GRAMD1B: variants seen among roughly 807,000 people sequenced by gnomAD.
GRAMD1B encodes the protein protein Aster-B.
A neutral mutation model predicts 99.7 loss-of-function variants in GRAMD1B; 37 were observed. The ratio of observed to expected loss-of-function variants is 0.37; its 90% CI spans 0.29 to 0.49. The LOEUF (loss-of-function observed/expected upper bound fraction) is 0.49. GRAMD1B is among the 20% of genes least tolerant of loss of function. The pLI, the probability that GRAMD1B is intolerant of heterozygous loss-of-function variation, is 0.98. For synonymous variants in GRAMD1B, 427 were observed against 387.6 expected (o/e 1.10, Z -1.19); for missense variants, 888 against 1,009.2 (o/e 0.88, Z 1.63).
intron 2 of GRAMD1B, among the ~76,000 whole-genome samples, chr11:123,500,919 C>A (rs2135160996): frequency 6.6e-6 from 1 of 152,222 alleles, no homozygotes; most frequent in Non-Finnish European, 1.5e-5. Context: ...AGTGATCCAC[C>A]CACCTTGGCC....
rs1219424415 is a variant in GRAMD1B at position 123,625,960 on chromosome 11, G to C, written c.*3365G>C. The C allele has an allele frequency of 6.9e-6, 1 of 145,318 alleles. No homozygotes were observed. The highest frequency in any genetic ancestry group is 1.6e-5 in the Non-Finnish European group (1 of 64,284). The allele number at this position is 145,318 out of a possible 1,614,324, so 9.0% of individuals were successfully genotyped here. On this transcript the variant is annotated 3_prime_UTR_variant, in exon 20 of 20. Transcript: ENST00000635736. ...GAAGAGAGAGAGAGAGAGAGAGAGA[G>C]AGAGAGAGAGAGAGAGAGAGATCGA...
At chr11:123,436,744 T>C (rs1412824665) in intron 1 of GRAMD1B, among the ~76,000 whole-genome samples, 1 of 152,204 alleles carries the variant, frequency 6.6e-6, no homozygotes, top group African/African-American at 2.4e-5. Flanking sequence ...CCATTGAACA[T>C]AAGACGGCAC....
At chr11:123,508,417 T>G (rs1451043046) in intron 2 of GRAMD1B, among the ~76,000 whole-genome samples, 1 of 152,258 alleles carries the variant, frequency 6.6e-6, no homozygotes, top group East Asian at 1.9e-4. Context: ...CTCTTAATAC[T>G]ATACTGTTAC....
intron 2 of GRAMD1B, among the ~76,000 whole-genome samples, chr11:123,528,355 A>G (rs1187400558): frequency 6.6e-6 from 1 of 152,240 alleles, no homozygotes; most frequent in Non-Finnish European, 1.5e-5. Flanking sequence ...ATTTCTAGAA[A>G]CAACTCTGGA....
chr11:123,421,834 A>G (rs1309810229), intron 1 of GRAMD1B, among the ~76,000 whole-genome samples: 2 of 152,218 alleles, frequency 1.3e-5, no homozygotes, highest in Non-Finnish European at 2.9e-5. Context: ...GCCTTATTCA[A>G]GTTTATCACT....
At chr11:123,598,615 C>T in intron 7 of GRAMD1B, 3 of 1,448,108 alleles carry the variant, frequency 2.1e-6, no homozygotes, top group Middle Eastern at 2.3e-4. Context: ...TGGGCTCGCT[C>T]TTCTGGGATC....
chr11:123,618,970 G>C (rs1592311791), intron 18 of GRAMD1B, 137 bp from the exon 19 acceptor site: 1 of 684,728 alleles, frequency 1.5e-6, no homozygotes, highest in East Asian at 2.7e-5. Flanking sequence ...CTGATCTGGG[G>C]CACAGGGGAA....
At chr11:123,485,008 T>A (rs1951810146) in intron 2 of GRAMD1B, among the ~76,000 whole-genome samples, 1 of 152,184 alleles carries the variant, frequency 6.6e-6, no homozygotes. Flanking sequence ...TGCACCAAGC[T>A]GTGAATGGCG....
At position 123,600,479 on chromosome 11, in the gene GRAMD1B, T is replaced by C; in HGVS notation, c.981T>C (p.Thr327=). The part of the protein sequence containing the change: ...VCTDSEKHFF[T]SFGARDRTYM... ...CTTTTCCAATCTAGCACTTCTTCAC[T>C]TCGTTTGGGGCCCGGGATAGGACAT... The change falls in exon 8 of 20, where the codon ACT becomes ACC. Residue 327 remains threonine, a synonymous_variant. Transcript: ENST00000635736. 3 of 1,608,006 alleles carry C rather than the reference T, an allele frequency of 1.9e-6. No homozygotes were observed. Among genetic ancestry groups the C allele is most frequent in the Non-Finnish European group, 2.6e-6 (3 of 1,175,152 alleles).
intron 2 of GRAMD1B, among the ~76,000 whole-genome samples, chr11:123,531,892 C>T (rs893687859): frequency 1.1e-4 from 17 of 151,968 alleles, no homozygotes; most frequent in African/African-American, 3.4e-4. Context: ...TGCACCACCA[C>T]GCCTGGCTAA....
chr11:123,573,895 G>A (rs1036310068), intron 2 of GRAMD1B, among the ~76,000 whole-genome samples: 1 of 152,122 alleles, frequency 6.6e-6, no homozygotes, highest in Non-Finnish European at 1.5e-5. Context: ...CGGAAAACAT[G>A]CCACTTACAG....
chr11:123,508,773 C>T (rs2135264533), intron 2 of GRAMD1B, among the ~76,000 whole-genome samples: 1 of 152,134 alleles, frequency 6.6e-6, no homozygotes, highest in Middle Eastern at 3.4e-3. Context: ...GCAACCTCTG[C>T]CTACTTGGTT....
chr11:123,464,898 T>C (rs1020077483), intron 1 of GRAMD1B, among the ~76,000 whole-genome samples: 7 of 152,092 alleles, frequency 4.6e-5, no homozygotes, highest in African/African-American at 9.7e-5. Context: ...GTGATGCAGG[T>C]GACTGAGCTA....
chr11:123,466,369 AAAG>A (rs1842384636), intron 1 of GRAMD1B, among the ~76,000 whole-genome samples: 1 of 60,390 alleles, frequency 1.7e-5, no homozygotes, highest in Non-Finnish European at 2.7e-5. Flanking sequence ...AAGGAAGGAA[AAAG>A]AAAGAGAGAG....
In GRAMD1B at chr11:123,501,777, C is replaced by T. The variant is rs550317845; in HGVS notation, c.452+20884C>T. Among the ~76,000 whole-genome samples, 4 of 152,294 alleles carry T rather than the reference C, an allele frequency of 2.6e-5. No individual in the cohort carries two copies. The South Asian group carries it at 8.3e-4, about 32-fold the overall frequency. The stretch of plus-strand genomic sequence containing the variant: ...TCGGCCAAATAGGATTTTTTCTTAA[C>T]TATCATTTTTGAGCATGTTTCTTGT... On this transcript the variant is annotated intron_variant, in intron 2 of 19. Transcript: ENST00000635736.
At chr11:123,584,244 TC>T in intron 3 of GRAMD1B, 67 bp from the exon 4 acceptor site, 1 of 832,972 alleles carries the variant, frequency 1.2e-6, no homozygotes, top group Non-Finnish European at 2.0e-6. Context: ...TGTGTGCCCT[TC>T]CCCCTGGCCC....
intron 2 of GRAMD1B, among the ~76,000 whole-genome samples, chr11:123,554,570 C>T (rs1945979608): frequency 6.7e-6 from 1 of 148,378 alleles, no homozygotes; most frequent in South Asian, 2.1e-4. Context: ...AAATGCCGGA[C>T]ATGGTGGTGT....
intron 12 of GRAMD1B, among the ~76,000 whole-genome samples, chr11:123,609,120 C>T (rs1453632604): frequency 1.3e-5 from 2 of 152,140 alleles, no homozygotes; most frequent in Non-Finnish European, 1.5e-5. Context: ...GGCTCTCACT[C>T]GCTGGCAGCA....
chr11:123,395,786 T>C, intron 1 of GRAMD1B, among the ~76,000 whole-genome samples: 1 of 152,346 alleles, frequency 6.6e-6, no homozygotes, highest in South Asian at 2.1e-4. Context: ...AAAACCCCTG[T>C]GCTCAACCAA....
Sources: allele counts gnomAD v4.1 joint callset (sites outside exome capture counted in the v4.1 genomes callset), GRCh38; gene constraint gnomAD v4.1.1; transcripts MANE v1.5; gene names NCBI Gene and HGNC (gene_info 2026-07-23, HGNC 2026-07-21).